The following SIRT7 variants were observed in gnomAD, a reference collection of about 807,000 sequenced individuals.
The protein encoded by SIRT7 is NAD-dependent protein deacetylase sirtuin-7.
In SIRT7, 32 loss-of-function variants were observed where a neutral mutation model predicts 42.8. The ratio of observed to expected loss-of-function variants is 0.75; its 90% CI spans 0.56 to 1.00. SIRT7 has a LOEUF of 1.00. Among genes scored for constraint, SIRT7 ranks in the 50% least tolerant of loss-of-function variants. The pLI is 0.00. For missense variants in SIRT7, 553 were observed against 572.2 expected, an observed-to-expected ratio of 0.97 and a Z score of 0.34; for synonymous variants, 297 against 245.2, an observed-to-expected ratio of 1.21 and a Z score of -1.97.
chr17:81,913,959 C>T lies in SIRT7; in HGVS notation c.898-79G>A. 1 of 1,541,474 alleles carries T rather than the reference C, an allele frequency of 6.5e-7. No individual in the cohort carries two copies. The highest frequency in any genetic ancestry group is 8.8e-7 in the Non-Finnish European group (1 of 1,131,428). ...GCCTGTCAGCCTTGGCCCCTACGGGCTCAGTCGGTGCTCCCTGAGCACCCA... is the reference window on the plus strand; with the variant it reads ...GCCTGTCAGCCTTGGCCCCTACGGGTTCAGTCGGTGCTCCCTGAGCACCCA... On this transcript the variant is annotated intron_variant, in intron 8 of 9. Coordinates refer to ENST00000328666, the MANE Select transcript of SIRT7 (RefSeq NM_016538.3). The surrounding 1 kb of genome is among the most constrained non-coding windows in gnomAD (Gnocchi z 5.0).
In SIRT7 at chr17:81,914,300, G is replaced by A; in HGVS notation, c.810C>T (p.Ser270=). The A allele has an allele frequency of 9.3e-6, 15 of 1,613,144 alleles. No individual in the cohort carries two copies. Among genetic ancestry groups the A allele is most frequent in the African/African-American group, 1.3e-5 (1 of 75,030 alleles). Residue 270 remains serine, a synonymous_variant, in exon 7 of 10, where the codon AGC becomes AGT. Coordinates refer to ENST00000328666, the MANE Select transcript of SIRT7 (RefSeq NM_016538.3). ...RADTILCLGS[S]LKVLKKYPRL... ...TTGTGTCATCGGCACGTACCTTCAG[G>A]CTGGACCCTAGACACAGGATGGTGT...
intron 3 of SIRT7, 150 bp downstream of exon 3, chr17:81,917,465 C>T: frequency 1.5e-6 from 1 of 648,116 alleles, no homozygotes; most frequent in Non-Finnish European, 2.4e-6. Flanking sequence ...AACACAGAGG[C>T]CAAGCGTTTA....
chr17:81,915,890 C>T, intron 3 of SIRT7: 1 of 589,222 alleles, frequency 1.7e-6, no homozygotes, highest in Non-Finnish European at 3.1e-6. Flanking sequence ...CTTCCGTTTC[C>T]CGCCTGGCCT....
Position 81,914,529 on chromosome 17 carries a change from A to G in SIRT7, c.581T>C (p.Val194Ala), listed in dbSNP as rs1447182110. 2 of 1,613,010 alleles carry G rather than the reference A, an allele frequency of 1.2e-6. No homozygotes were observed. The highest frequency in any genetic ancestry group is 1.7e-6 in the Non-Finnish European group (2 of 1,179,974). ...CCTGTTGGGAACGCAGGAGGTACAG[A>G]CCTAGAGGCAAGAGGGCACAGTGAG... ...SELHGNMYIE[V>A]CTSCVPNREY... Residue 194 changes from valine (V) to alanine (A), a missense_variant and splice_region_variant, in exon 7 of 10, where the codon GTC becomes GCC. Transcript: ENST00000328666.
At chr17:81,917,550 C>A (rs1286812887) in intron 3 of SIRT7, 65 bp downstream of exon 3, 43 of 1,380,204 alleles carry the variant, frequency 3.1e-5, no homozygotes, top group African/African-American at 4.5e-5. Flanking sequence ...GCTTTAAAGG[C>A]GAGTTTTTCG....
chr17:81,918,144 G>T lies in SIRT7; in HGVS notation c.-13C>A. 6.5e-7 allele frequency: 1 copy of T among 1,541,680 alleles called. No individual in the cohort carries two copies. Among genetic ancestry groups the T allele is most frequent in the South Asian group, 1.2e-5 (1 of 85,066 alleles). ...CCCCGGCTGCCATCGCTCCCCTGGA[G>T]ACCTGCTCTTCCGCTTCCGCCTCAC... is the stretch of plus-strand genomic sequence containing the variant. On this transcript the variant is annotated 5_prime_UTR_variant, in exon 1 of 10. Transcript: ENST00000328666.
chr17:81,917,830 C>T lies in SIRT7; in HGVS notation c.231G>A (p.Glu77=). The part of the protein sequence containing the change: ...RREGLKRRQE[E]VCDDPEELRG... Reference sequence around the variant, plus strand: ...CCCGCGCGCCGCACGCGGAACTCGCCTCCTCCTGCCGCCGCTTCAGGCCCT... The same window carrying T: ...CCCGCGCGCCGCACGCGGAACTCGCTTCCTCCTGCCGCCGCTTCAGGCCCT... Residue 77 remains glutamate (E), a splice_region_variant and synonymous_variant, in exon 2 of 10, where the codon GAG becomes GAA. Coordinates refer to ENST00000328666, the MANE Select transcript of SIRT7 (RefSeq NM_016538.3). 1 of 1,434,556 alleles carries T rather than the reference C, an allele frequency of 7.0e-7. No individual in the cohort carries two copies. The highest frequency in any genetic ancestry group is 9.1e-7 in the Non-Finnish European group (1 of 1,099,302). The allele number at this position is 1,434,556 out of a possible 1,614,324, so 88.9% of individuals were successfully genotyped here.
chr17:81,914,739 T>C (rs746605739), intron 5 of SIRT7, 37 bp from the exon 6 acceptor site: 2 of 1,557,744 alleles, frequency 1.3e-6, no homozygotes, highest in Non-Finnish European at 1.8e-6. Context: ...GAGGGATGGC[T>C]GCCAGTGGTG....
At chr17:81,917,763 C>A in intron 2 of SIRT7, 44 bp from the exon 3 acceptor site, 2 of 1,463,632 alleles carry the variant, frequency 1.4e-6, no homozygotes, top group Middle Eastern at 2.1e-4. Flanking sequence ...CCGCCCCACC[C>A]GGGACCGCCC....
chr17:81,917,354 C>T, intron 3 of SIRT7: 1 of 372,526 alleles, frequency 2.7e-6, no homozygotes, highest in Non-Finnish European at 4.8e-6. Context: ...AAAATCACAA[C>T]TTTGGGCTTA....
chr17:81,914,114 C>T lies in SIRT7; in HGVS notation c.870G>A (p.Arg290=). ...LWCMTKPPSR[R]PKLYIVNLQW... ...GCAGGTTCACGATGTAAAGCTTCGG[C>T]CGCCGGCTAGGGGGCTTGGTCATGC... Residue 290 remains arginine (R), a synonymous_variant, in exon 8 of 10, where the codon CGG becomes CGA. Transcript: ENST00000328666. 1 of 1,613,576 alleles carries T rather than the reference C, an allele frequency of 6.2e-7. No individual in the cohort carries two copies. The highest frequency in any genetic ancestry group is 1.1e-5 in the South Asian group (1 of 91,084).
At chr17:81,915,584 G>T in intron 4 of SIRT7, 27 bp downstream of exon 4, 1 of 1,613,526 alleles carries the variant, frequency 6.2e-7, no homozygotes, top group Non-Finnish European at 8.5e-7. Context: ...CCCAGCCTAT[G>T]TGGGAGGCCA....
intron 5 of SIRT7, chr17:81,915,179 C>T (rs150366104): frequency 1.8e-6 from 1 of 568,838 alleles, no homozygotes; most frequent in East Asian, 3.0e-5. Context: ...CAGAAAAATG[C>T]AAGGGAATCA....
Position 81,917,879 on chromosome 17 carries a change from A to G in SIRT7, c.182T>C (p.Leu61Pro). The G allele has an allele frequency of 6.9e-7, 1 of 1,440,134 alleles. No individual in the cohort carries two copies. The highest frequency in any genetic ancestry group is 9.1e-7 in the Non-Finnish European group (1 of 1,100,228). The allele number at this position is 1,440,134 out of a possible 1,614,324, so 89.2% of individuals were successfully genotyped here. The part of the protein sequence containing the change: ...LAESADLVTE[L>P]QGRSRRREGL... The stretch of plus-strand genomic sequence containing the variant: ...CTCGCGCCGCCGGCTCCGGCCCTGC[A>G]GCTCCGTTACCAGGTCCGCGCTCTC... Residue 61 changes from leucine to proline, a missense_variant, in exon 2 of 10, where the codon CTG becomes CCG. Leu to Pro is a moderately conservative substitution (Grantham distance 98, BLOSUM62 -3). Coordinates refer to ENST00000328666, the MANE Select transcript of SIRT7 (RefSeq NM_016538.3).
In SIRT7 at chr17:81,917,730, G is replaced by A. The variant is rs185873252; in HGVS notation, c.232-11C>T. On this transcript the variant is annotated splice_polypyrimidine_tract_variant and intron_variant, in intron 2 of 9. Transcript: ENST00000328666. ...CGGGTCGTCGCACACCTGCCAAGAC[G>A]CCAGGGTGGTCACCGCCCCGGGCCG... 18,686 of 1,560,514 alleles carry A rather than the reference G, an allele frequency of 0.012. 176 individuals are homozygous for A. Among genetic ancestry groups the A allele is most frequent in the Non-Finnish European group, 0.013 (15,374 of 1,155,568 alleles).
At position 81,914,646 on chromosome 17, in the gene SIRT7, C is replaced by A; in HGVS notation, c.537G>T (p.Pro179=). ...CDGLHLRSGL[P]RTAISELHGN... is the part of the protein sequence containing the mutation. Reference sequence around the variant, plus strand: ...CGTGGAGCTCGGAGATGGCCGTGCGCGGCAGCCCACTCCTCAGGTGGAGCC... The same window carrying A: ...CGTGGAGCTCGGAGATGGCCGTGCGAGGCAGCCCACTCCTCAGGTGGAGCC... The change falls in exon 6 of 10, where the codon CCG becomes CCT. Residue 179 remains proline, a synonymous_variant. Transcript: ENST00000328666. 1 of 1,613,094 alleles carries A rather than the reference C, an allele frequency of 6.2e-7. No homozygotes were observed. Among genetic ancestry groups the A allele is most frequent in the South Asian group, 1.1e-5 (1 of 91,082 alleles).
intron 8 of SIRT7, 78 bp downstream of exon 8, chr17:81,914,009 G>C (rs2040743090): frequency 1.9e-6 from 3 of 1,584,270 alleles, no homozygotes; most frequent in Admixed American, 1.7e-5. Context: ...GACCGCCCTG[G>C]TGCATGGGTG....
In SIRT7 at chr17:81,912,631, G is replaced by A; in HGVS notation, c.1005-17C>T. On this transcript the variant is annotated splice_polypyrimidine_tract_variant and intron_variant, in intron 9 of 9. Transcript: ENST00000328666. ...TCCTGCCACCTGCCAAAAAGGGAAA[G>A]CGGCATCAGGCGGGCCTGGGAGCCT... is the stretch of plus-strand genomic sequence containing the variant. The A allele has an allele frequency of 6.2e-7, 1 of 1,605,374 alleles. No homozygotes were observed. The highest frequency in any genetic ancestry group is 8.5e-7 in the Non-Finnish European group (1 of 1,176,462).
chr17:81,917,293 T>TA (rs1293151186), intron 3 of SIRT7: 9 of 251,778 alleles, frequency 3.6e-5, no homozygotes, highest in Middle Eastern at 1.1e-3. Flanking sequence ...TTCTGGCTCT[T>TA]ACTGTGTCAC....
Sources: gnomAD v4.1 joint callset for allele counts on GRCh38, gnomAD v4.1.1 for gene constraint, Gnocchi (gnomAD v3.1) non-coding constraint, MANE v1.5 for transcripts, NCBI Gene and HGNC (gene_info 2026-07-23, HGNC 2026-07-21) for gene names.